The following EYS variants were observed in gnomAD, a reference collection of about 807,000 sequenced individuals.
EYS encodes protein eyes shut homolog.
A neutral mutation model predicts 282.1 loss-of-function variants in EYS; 250 were observed. The ratio of observed to expected loss-of-function variants is 0.89; its 90% CI spans 0.80 to 0.98. The LOEUF (loss-of-function observed/expected upper bound fraction) is 0.98, where lower values mean the gene tolerates loss of function less well. EYS is among the 50% of genes least tolerant of loss of function. The pLI, the probability that EYS is intolerant of heterozygous loss-of-function variation, is 0.00. For synonymous variants in EYS, 1,355 were observed against 1,282.9 expected (o/e 1.06, Z -1.20); for missense variants, 4,016 against 3,709.0 (o/e 1.08, Z -2.15).
intron 35 of EYS, among the ~76,000 whole-genome samples, chr6:63,947,158 A>G (rs900980727): frequency 3.9e-5 from 6 of 152,102 alleles, no homozygotes; most frequent in African/African-American, 1.2e-4. Context: ...ACAAAATGTT[A>G]TAATAACATT....
At chr6:64,117,849 C>A (rs186568196) in intron 31 of EYS, among the ~76,000 whole-genome samples, 26 of 152,036 alleles carry the variant, frequency 1.7e-4, no homozygotes, top group Admixed American at 9.8e-4. Flanking sequence ...ATGATAAATG[C>A]AGTAAAGTTT....
intron 40 of EYS, among the ~76,000 whole-genome samples, chr6:63,777,379 T>C (rs1286944727): frequency 6.6e-6 from 1 of 152,134 alleles, no homozygotes; most frequent in African/African-American, 2.4e-5. Flanking sequence ...AATCTCTCTT[T>C]AGCTGTCTTA....
At chr6:64,380,842 C>T (rs1173194921) in intron 29 of EYS, among the ~76,000 whole-genome samples, 1 of 151,908 alleles carries the variant, frequency 6.6e-6, no homozygotes. Flanking sequence ...ATGGCGAAAC[C>T]CGTCTCTACT....
At chr6:65,026,181 T>C (rs765623031) in intron 13 of EYS, among the ~76,000 whole-genome samples, 1 of 152,164 alleles carries the variant, frequency 6.6e-6, no homozygotes, top group Non-Finnish European at 1.5e-5. Context: ...TATGACATGG[T>C]TTATATTAAC....
At chr6:64,825,904 C>T (rs535124414) in intron 19 of EYS, among the ~76,000 whole-genome samples, 7 of 147,634 alleles carry the variant, frequency 4.7e-5, no homozygotes, top group Non-Finnish European at 9.0e-5. Context: ...ATAAAGTGCA[C>T]ATATATATAT....
intron 22 of EYS, among the ~76,000 whole-genome samples, chr6:64,763,590 T>C (rs1773229602): frequency 6.6e-6 from 1 of 152,066 alleles, no homozygotes; most frequent in Admixed American, 6.5e-5. Flanking sequence ...ATTCCAACCC[T>C]GGCCCCTCCT....
rs376372208 is a variant in EYS, at chr6:63,838,696, T to C, written c.7228+25490A>G. ...GTGGGAAACATATCCATCTCCCACA[T>C]AGGATAAGGCCTTTTCTCCTAAAGA... is the stretch of plus-strand genomic sequence containing the variant. On this transcript the variant is annotated intron_variant, in intron 36 of 42. Coordinates refer to ENST00000503581, the MANE Select transcript of EYS (RefSeq NM_001142800.2). 8.5e-5 allele frequency among the ~76,000 whole-genome samples: 13 copies of C among 152,256 alleles called. No individual in the cohort carries two copies. In the South Asian group the frequency reaches 2.5e-3, roughly 29 times the overall value.
chr6:64,049,034 T>A (rs1301927489), intron 33 of EYS, among the ~76,000 whole-genome samples: 1 of 152,206 alleles, frequency 6.6e-6, no homozygotes, highest in Non-Finnish European at 1.5e-5. Flanking sequence ...TGTCAATTTA[T>A]GTTGATTTCT....
At chr6:64,185,393 T>C (rs1465732086) in intron 31 of EYS, among the ~76,000 whole-genome samples, 2 of 152,176 alleles carry the variant, frequency 1.3e-5, no homozygotes, top group African/African-American at 4.8e-5. Flanking sequence ...CCATCCTGTT[T>C]TATTTAAACA....
At chr6:65,108,443 A>G (rs1561969625) in intron 12 of EYS, among the ~76,000 whole-genome samples, 1 of 152,074 alleles carries the variant, frequency 6.6e-6, no homozygotes, top group Non-Finnish European at 1.5e-5. Context: ...GACTAAAGGC[A>G]TGTGCCACCA....
At chr6:65,611,464 T>C (rs1765999407) in intron 2 of EYS, among the ~76,000 whole-genome samples, 2 of 152,028 alleles carry the variant, frequency 1.3e-5, no homozygotes, top group Non-Finnish European at 1.5e-5. Context: ...CTAATTTTCT[T>C]AGTTTTATGT....
intron 1 of EYS, among the ~76,000 whole-genome samples, chr6:65,686,007 G>A (rs1769001145): frequency 6.6e-6 from 1 of 151,972 alleles, no homozygotes; most frequent in Non-Finnish European, 1.5e-5. Context: ...AGTGCATTGC[G>A]AGATTATTTC....
At chr6:65,077,645 G>A (rs1285739413) in intron 12 of EYS, among the ~76,000 whole-genome samples, 2 of 152,026 alleles carry the variant, frequency 1.3e-5, no homozygotes, top group Non-Finnish European at 2.9e-5. Flanking sequence ...GAAGAGGCTT[G>A]TTGAACATAG....
chr6:65,240,236 G>C (rs907961124), intron 12 of EYS, among the ~76,000 whole-genome samples: 1 of 152,024 alleles, frequency 6.6e-6, no homozygotes, highest in African/African-American at 2.4e-5. Flanking sequence ...CCAAAGTGCT[G>C]GGATTACAGA....
intron 30 of EYS, among the ~76,000 whole-genome samples, chr6:64,251,833 G>T (rs532234186): frequency 1.3e-5 from 2 of 152,218 alleles, no homozygotes; most frequent in Admixed American, 6.5e-5. Context: ...TAAGTGAAGA[G>T]AAGTTCTAAA....
intron 2 of EYS, among the ~76,000 whole-genome samples, chr6:65,515,844 T>G (rs1767110613): frequency 6.7e-6 from 1 of 148,470 alleles, no homozygotes; most frequent in East Asian, 2.1e-4. Flanking sequence ...TAATGCTAAA[T>G]GACGAGTTAA....
chr6:64,126,840 T>A (rs540294648), intron 31 of EYS, among the ~76,000 whole-genome samples: 1 of 151,706 alleles, frequency 6.6e-6, no homozygotes. Flanking sequence ...AATACATATA[T>A]ACACACACAC....
chr6:64,447,827 A>G (rs1457246712), intron 26 of EYS, among the ~76,000 whole-genome samples: 2 of 152,364 alleles, frequency 1.3e-5, no homozygotes, highest in East Asian at 1.9e-4. Context: ...AAAGCAATCA[A>G]TGATCTTTTT....
intron 29 of EYS, among the ~76,000 whole-genome samples, chr6:64,385,625 C>A (rs142457360): frequency 6.6e-6 from 1 of 152,204 alleles, no homozygotes; most frequent in African/African-American, 2.4e-5. Flanking sequence ...AAAAGTCTTT[C>A]GAAATTTAGT....
Sources: allele counts gnomAD v4.1 joint callset (sites outside exome capture counted in the v4.1 genomes callset), GRCh38; gene constraint gnomAD v4.1.1; transcripts MANE v1.5; gene names NCBI Gene and HGNC (gene_info 2026-07-23, HGNC 2026-07-21).